Variants in GRID2 observed in about 807,000 individuals in gnomAD.
The protein encoded by GRID2 is glutamate receptor ionotropic, delta-2.
In GRID2, 33 loss-of-function variants were observed where a neutral mutation model predicts 114.8. The ratio of observed to expected loss-of-function variants is 0.29; its 90% CI spans 0.22 to 0.38. GRID2 has a LOEUF of 0.38. Ranked by LOEUF, GRID2 falls within the 10% of genes least tolerant of loss-of-function variation. The probability of loss-of-function intolerance (pLI) is 1.00; values close to 1 mark genes in which losing one functional copy is unlikely to be tolerated. For synonymous variants in GRID2, 505 were observed against 449.9 expected (o/e 1.12, Z -1.55); for missense variants, 1,184 against 1,257.7 (o/e 0.94, Z 0.89).
intron 13 of GRID2, among the ~76,000 whole-genome samples, chr4:93,613,162 T>C (rs1270207225): frequency 6.7e-6 from 1 of 149,708 alleles, no homozygotes; most frequent in Non-Finnish European, 1.5e-5. Context: ...TTCAGGTCCA[T>C]CAGCTCCTTT....
chr4:93,430,981 A>G (rs1769354849), intron 10 of GRID2, among the ~76,000 whole-genome samples: 1 of 152,202 alleles, frequency 6.6e-6, no homozygotes, highest in Non-Finnish European at 1.5e-5. Context: ...TCTCCAAGCA[A>G]AAAGTGATGA....
chr4:92,944,871 T>C (rs566211210), intron 2 of GRID2, among the ~76,000 whole-genome samples: 1 of 152,338 alleles, frequency 6.6e-6, no homozygotes. Context: ...AAACCTTATA[T>C]ATTTTAAATG....
intron 8 of GRID2, among the ~76,000 whole-genome samples, chr4:93,393,299 GA>G (rs1481090336): frequency 6.6e-6 from 1 of 151,744 alleles, no homozygotes; most frequent in Non-Finnish European, 1.5e-5. Context: ...CTGTTATTAA[GA>G]AGAAGAACAA....
intron 1 of GRID2, among the ~76,000 whole-genome samples, chr4:92,479,425 G>A (rs545479967): frequency 6.6e-6 from 1 of 152,122 alleles, no homozygotes; most frequent in East Asian, 1.9e-4. Flanking sequence ...TCCAGAGAAA[G>A]TTTTACAAAA....
At chr4:92,989,134 G>A (rs1418996000) in intron 2 of GRID2, among the ~76,000 whole-genome samples, 1 of 151,538 alleles carries the variant, frequency 6.6e-6, no homozygotes, top group Admixed American at 6.6e-5. Flanking sequence ...AAAATTAGCC[G>A]GGTGTGGTGG....
intron 8 of GRID2, among the ~76,000 whole-genome samples, chr4:93,364,761 G>A (rs1433661): frequency 0.045 from 6,806 of 152,204 alleles, 177 homozygotes; most frequent in South Asian, 0.068. Flanking sequence ...TTCCAGGTGT[G>A]AGCCACTGTA....
chr4:93,133,959 T>C (rs1503213), intron 4 of GRID2, among the ~76,000 whole-genome samples: 1 of 151,678 alleles, frequency 6.6e-6, no homozygotes, highest in African/African-American at 2.4e-5. Flanking sequence ...ACATAGCAAC[T>C]GAAAAAGAAG....
chr4:92,617,866 T>C (rs1000937137), intron 2 of GRID2, among the ~76,000 whole-genome samples: 8 of 151,544 alleles, frequency 5.3e-5, no homozygotes, highest in African/African-American at 1.5e-4. Context: ...TTTTGTGTTG[T>C]TGTTGTTGTT....
chr4:93,280,063 A>AT (rs1752494215), intron 8 of GRID2, among the ~76,000 whole-genome samples: 1 of 151,920 alleles, frequency 6.6e-6, no homozygotes, highest in Non-Finnish European at 1.5e-5. Context: ...CAAGCAAAAA[A>AT]TGGTGAGTGC....
chr4:93,379,725 G>A (rs1763684606), intron 8 of GRID2, among the ~76,000 whole-genome samples: 1 of 152,086 alleles, frequency 6.6e-6, no homozygotes, highest in African/African-American at 2.4e-5. Flanking sequence ...ATTCTACTGG[G>A]AGAAACAGGT....
intron 2 of GRID2, among the ~76,000 whole-genome samples, chr4:93,006,124 A>G (rs1169261933): frequency 6.6e-6 from 1 of 152,122 alleles, no homozygotes; most frequent in Non-Finnish European, 1.5e-5. Flanking sequence ...CTACACAGAC[A>G]TCTCTAAAAA....
intron 1 of GRID2, among the ~76,000 whole-genome samples, chr4:92,374,105 G>A (rs1432326475): frequency 2.0e-5 from 3 of 152,058 alleles, no homozygotes; most frequent in Non-Finnish European, 4.4e-5. Flanking sequence ...TTTAATCTGA[G>A]AGACTGTTTC....
At chr4:92,568,045 G>A (rs1727420646) in intron 1 of GRID2, among the ~76,000 whole-genome samples, 1 of 152,136 alleles carries the variant, frequency 6.6e-6, no homozygotes. Context: ...AGAGGCTGCA[G>A]TTTTAAACAG....
intron 8 of GRID2, among the ~76,000 whole-genome samples, chr4:93,346,984 A>C (rs555857513): frequency 6.6e-6 from 1 of 152,118 alleles, no homozygotes; most frequent in African/African-American, 2.4e-5. Flanking sequence ...CCCTGCTCCT[A>C]TCAGAGACCA....
intron 2 of GRID2, among the ~76,000 whole-genome samples, chr4:92,784,846 C>T (rs970099250): frequency 1.3e-4 from 19 of 151,808 alleles, no homozygotes; most frequent in Non-Finnish European, 2.7e-4. Flanking sequence ...TGTCTTCAAG[C>T]GTGGCAGTAA....
Position 93,155,178 on chromosome 4 carries a change from T to C in GRID2, c.735+44225T>C, listed in dbSNP as rs150129981. 4.3e-3 allele frequency among the ~76,000 whole-genome samples: 651 copies of C among 152,066 alleles called. 9 individuals carry two copies. The highest frequency in any genetic ancestry group is 0.015 in the African/African-American group (628 of 41,534). On this transcript the variant is annotated intron_variant, in intron 4 of 15. Transcript: ENST00000282020. ...GTATATTCATGATCTCACCTTCTCT[T>C]TATTCTTCTTTCATTCAGTTATTCA...
intron 1 of GRID2, among the ~76,000 whole-genome samples, chr4:92,439,621 A>G (rs974249928): frequency 7.5e-6 from 1 of 133,666 alleles, no homozygotes; most frequent in East Asian, 2.1e-4. Context: ...ATGTAAGAAG[A>G]AACATTTGTC....
In GRID2 at chr4:93,783,342, C is replaced by T. The variant is rs12645043; in HGVS notation, c.221+13892C>T. 0.016 allele frequency among the ~76,000 whole-genome samples: 2,508 copies of T among 152,284 alleles called. 199 individuals carry two copies. In the East Asian group the frequency reaches 0.22, roughly 13 times the overall value. On this transcript the variant is annotated intron_variant, in intron 1 of 1. Coordinates refer to the GRID2 transcript ENST00000637838. The stretch of plus-strand genomic sequence containing the variant: ...TGGTTGAGTTCACACAATTAGTAAG[C>T]GAGAATTCAAACTCACATCTCTCTA...
At chr4:92,680,248 C>T (rs1006228053) in intron 2 of GRID2, among the ~76,000 whole-genome samples, 2 of 151,970 alleles carry the variant, frequency 1.3e-5, no homozygotes, top group African/African-American at 2.4e-5. Context: ...AAGACAAATT[C>T]GAATCCAAAA....
Sources: allele counts gnomAD v4.1 joint callset (sites outside exome capture counted in the v4.1 genomes callset), GRCh38; gene constraint gnomAD v4.1.1; transcripts MANE v1.5; gene names NCBI Gene and HGNC (gene_info 2026-07-23, HGNC 2026-07-21).